DMRT1: variants seen among roughly 807,000 people sequenced by gnomAD.
DMRT1 encodes the protein doublesex and mab-3 related transcription factor 1.
DMRT1 carries 7 observed loss-of-function variants against 32.3 expected under a neutral mutation model. That is an observed-to-expected ratio of 0.22 (90% CI 0.12 to 0.41). The LOEUF is 0.41. DMRT1 is among the 10% of genes least tolerant of loss of function. DMRT1 has a pLI of 1.00. For missense variants in DMRT1, 625 were observed against 500.5 expected, an observed-to-expected ratio of 1.25 and a Z score of -2.37; for synonymous variants, 278 against 206.1, an observed-to-expected ratio of 1.35 and a Z score of -2.99.
rs1299853656 is a variant in DMRT1, at chr9:893,966, A to C, written c.593A>C (p.Glu198Ala). The C allele has an allele frequency of 2.5e-6, 4 of 1,614,154 alleles. No individual in the cohort carries two copies. Among genetic ancestry groups the C allele is most frequent in the East Asian group, 4.5e-5 (2 of 44,886 alleles). Residue 198 changes from glutamate to alanine, a missense_variant, in exon 3 of 5, where the codon GAG becomes GCG. Transcript: ENST00000382276. ...IPAVTSRGHVENTPDLVSDST... is the reference protein window; with the variant it reads ...IPAVTSRGHVANTPDLVSDST... ...GCTGTCACCAGCAGAGGGCATGTGGAGAACACACCTGACCTGGTTTCAGAC... is the reference window on the plus strand; with the variant it reads ...GCTGTCACCAGCAGAGGGCATGTGGCGAACACACCTGACCTGGTTTCAGAC...
intron 3 of DMRT1, among the ~76,000 whole-genome samples, chr9:911,485 TTTTTTTTTTTTTTTTTTTTTTTTTTTA>T (rs1268217427): frequency 2.6e-5 from 2 of 77,286 alleles, no homozygotes; most frequent in African/African-American, 1.4e-4. Context: ...TTTTTTTTTT[TTTTTTTTTTTTTTTTTTTTTTTTTTTA>T]GATGGAGTCG....
At chr9:963,488 T>TCCCC (rs1819840719) in intron 4 of DMRT1, among the ~76,000 whole-genome samples, 1 of 152,200 alleles carries the variant, frequency 6.6e-6, no homozygotes, top group Non-Finnish European at 1.5e-5. Flanking sequence ...AGCTTGTGGT[T>TCCCC]TCTAATTACA....
intron 4 of DMRT1, among the ~76,000 whole-genome samples, chr9:955,827 T>C (rs1455273168): frequency 2.0e-5 from 3 of 152,208 alleles, no homozygotes; most frequent in Non-Finnish European, 2.9e-5. Context: ...GGAACTCTTG[T>C]GCATTACCAG....
intron 4 of DMRT1, among the ~76,000 whole-genome samples, chr9:953,676 A>G (rs1819504327): frequency 6.6e-6 from 1 of 152,206 alleles, no homozygotes; most frequent in African/African-American, 2.4e-5. Context: ...ACGTGGGGCC[A>G]GCAATCATCT....
intron 2 of DMRT1, 110 bp downstream of exon 2, chr9:847,253 G>C: frequency 8.3e-7 from 1 of 1,199,932 alleles, no homozygotes; most frequent in East Asian, 2.5e-5. Context: ...TTAGAGCTTA[G>C]AGGATTCTGT....
intron 2 of DMRT1, among the ~76,000 whole-genome samples, chr9:871,064 C>G (rs1589477984): frequency 1.3e-5 from 2 of 152,032 alleles, no homozygotes; most frequent in East Asian, 3.9e-4. Context: ...AACCCAAGGT[C>G]TGGCTCTGTT....
intron 2 of DMRT1, among the ~76,000 whole-genome samples, chr9:851,781 G>A (rs1381255925): frequency 2.0e-5 from 3 of 152,108 alleles, no homozygotes; most frequent in Non-Finnish European, 2.9e-5. Flanking sequence ...AGACTGACCA[G>A]ATTAACTGGA....
intron 4 of DMRT1, among the ~76,000 whole-genome samples, chr9:918,193 C>T (rs969305079): frequency 4.6e-5 from 7 of 152,276 alleles, no homozygotes; most frequent in African/African-American, 9.6e-5. Flanking sequence ...CCTGTAAGGG[C>T]GTGCAAGCAT....
In DMRT1 at chr9:916,798, C is replaced by T. The variant is rs764179470; in HGVS notation, c.858C>T (p.Ser286=). Residue 286 remains serine, a synonymous_variant, in exon 4 of 5, where the codon TCC becomes TCT. Transcript: ENST00000382276. ...KNMENRHAMS[S]QYRMHSYYPP... The stretch of plus-strand genomic sequence containing the variant: ...TGGAGAACCGCCATGCAATGAGCTC[C>T]CAGTACAGGATGCATTCTTACTACC... 24 of 1,614,042 alleles carry T rather than the reference C, an allele frequency of 1.5e-5. No individual in the cohort carries two copies. The East Asian group carries it at 5.3e-4, about 36-fold the overall frequency.
intron 3 of DMRT1, among the ~76,000 whole-genome samples, chr9:906,319 C>G (rs1021666038): frequency 2.0e-5 from 3 of 152,196 alleles, no homozygotes; most frequent in African/African-American, 7.2e-5. Context: ...GTTGCCCTCC[C>G]GGCAGGCTCT....
chr9:868,635 C>T (rs529724146), intron 2 of DMRT1, among the ~76,000 whole-genome samples: 4 of 152,264 alleles, frequency 2.6e-5, no homozygotes, highest in South Asian at 4.2e-4. Flanking sequence ...ACAAGGTTAT[C>T]GTAGGTAGCG....
At chr9:928,005 T>A (rs1818584256) in intron 4 of DMRT1, among the ~76,000 whole-genome samples, 2 of 152,210 alleles carry the variant, frequency 1.3e-5, no homozygotes. Context: ...GCACATATGC[T>A]TGGGGAGGTC....
chr9:967,361 TC>T (rs1819962424), intron 4 of DMRT1, among the ~76,000 whole-genome samples: 1 of 152,220 alleles, frequency 6.6e-6, no homozygotes, highest in Admixed American at 6.5e-5. Flanking sequence ...TTATCTGACT[TC>T]TATTTTAGTG....
chr9:937,834 GT>G (rs995268456), intron 4 of DMRT1, among the ~76,000 whole-genome samples: 6 of 148,456 alleles, frequency 4.0e-5, no homozygotes, highest in South Asian at 4.3e-4. Flanking sequence ...TTGCACAAAA[GT>G]TTTTTTTTTA....
chr9:843,346 C>G (rs191201040), intron 1 of DMRT1, among the ~76,000 whole-genome samples: 2 of 152,250 alleles, frequency 1.3e-5, no homozygotes, highest in African/African-American at 4.8e-5. Context: ...CTTCGCCCTC[C>G]GTGGATGGAG....
At chr9:851,393 G>A (rs941027200) in intron 2 of DMRT1, among the ~76,000 whole-genome samples, 3 of 151,446 alleles carry the variant, frequency 2.0e-5, no homozygotes, top group Non-Finnish European at 2.9e-5. Context: ...CGTGCGTGGC[G>A]ATGCCCAGCT....
At chr9:960,221 G>A (rs17384966) in intron 4 of DMRT1, among the ~76,000 whole-genome samples, 1 of 152,304 alleles carries the variant, frequency 6.6e-6, no homozygotes, top group South Asian at 2.1e-4. Context: ...TTTTAGCTTG[G>A]AATTCATTTT....
At chr9:882,841 G>A (rs1053516345) in intron 2 of DMRT1, among the ~76,000 whole-genome samples, 11 of 145,374 alleles carry the variant, frequency 7.6e-5, no homozygotes, top group Non-Finnish European at 1.5e-4. Context: ...GCATGATCTC[G>A]GCTCACTGCC....
chr9:894,003 C>T lies in DMRT1; in HGVS notation c.630C>T (p.Tyr210=). 10 of 1,614,222 alleles carry T rather than the reference C, an allele frequency of 6.2e-6. No individual in the cohort carries two copies. Among genetic ancestry groups the T allele is most frequent in the African/African-American group, 1.3e-5 (1 of 75,074 alleles). ...ACCTGGTTTCAGACTCCACCTACTACAGCAGCTTCTACCAGCCGTCTCTGT... is the reference window on the plus strand; with the variant it reads ...ACCTGGTTTCAGACTCCACCTACTATAGCAGCTTCTACCAGCCGTCTCTGT... ...TPDLVSDSTY[Y]SSFYQPSLFP... is the part of the protein sequence containing the mutation. The change falls in exon 3 of 5, where the codon TAC becomes TAT. Residue 210 remains tyrosine (Y), a synonymous_variant. Transcript: ENST00000382276.
Sources: allele counts gnomAD v4.1 joint callset (sites outside exome capture counted in the v4.1 genomes callset), GRCh38; gene constraint gnomAD v4.1.1; transcripts MANE v1.5; gene names NCBI Gene and HGNC (gene_info 2026-07-23, HGNC 2026-07-21).